Variants in MIER1 observed in about 807,000 individuals in gnomAD.
The protein encoded by MIER1 is MIER1 transcriptional regulator.
MIER1 carries 40 observed loss-of-function variants against 75.7 expected under a neutral mutation model. The observed-to-expected ratio is 0.53, with a 90% CI of 0.41 to 0.69. The LOEUF is 0.69. MIER1 is among the 30% of genes least tolerant of loss of function. MIER1 has a pLI of 0.00. For missense variants in MIER1, 574 were observed against 680.2 expected, an observed-to-expected ratio of 0.84 and a Z score of 1.74; for synonymous variants, 213 against 223.4, an observed-to-expected ratio of 0.95 and a Z score of 0.42.
At chr1:66,983,514 G>C (rs140910478) in intron 13 of MIER1, among the ~76,000 whole-genome samples, 2 of 152,196 alleles carry the variant, frequency 1.3e-5, no homozygotes, top group African/African-American at 4.8e-5. Flanking sequence ...CCATTTTACA[G>C]TCAACTCTAA....
chr1:66,943,994 T>A (rs992734833), intron 3 of MIER1, among the ~76,000 whole-genome samples: 2 of 152,160 alleles, frequency 1.3e-5, no homozygotes, highest in South Asian at 2.1e-4. Flanking sequence ...GTTTTTATTT[T>A]TTTTTTTTCC....
chr1:66,933,162 A>G (rs749230405), intron 2 of MIER1, among the ~76,000 whole-genome samples: 4 of 152,174 alleles, frequency 2.6e-5, no homozygotes, highest in African/African-American at 4.8e-5. Flanking sequence ...TCCTAGTCAC[A>G]CTTGAAGGAA....
intron 11 of MIER1, among the ~76,000 whole-genome samples, chr1:66,973,756 TTAAATG>T (rs1664154759): frequency 6.6e-6 from 1 of 152,126 alleles, no homozygotes. Context: ...GTCTTGGAGA[TTAAATG>T]TAGGAAATTA....
At chr1:66,926,756 A>G (rs981623393) in intron 2 of MIER1, among the ~76,000 whole-genome samples, 1 of 152,212 alleles carries the variant, frequency 6.6e-6, no homozygotes, top group Non-Finnish European at 1.5e-5. Context: ...AAAGAGACTC[A>G]TGGACGCTGA....
Position 66,984,969 on chromosome 1 carries a change from TACCTTAAAA to T in MIER1, c.*71_*79del. On this transcript the variant is annotated 3_prime_UTR_variant, in exon 14 of 14. Transcript: ENST00000401041. Reference sequence around the variant, plus strand: ...ACTAAAATTTTCAGGGTTGATGGGTTACCTTAAAAAGTTGATTTCCTTGAAGCAGTTTGA... The same window carrying T: ...ACTAAAATTTTCAGGGTTGATGGGTTAGTTGATTTCCTTGAAGCAGTTTGA... 6.7e-7 allele frequency: 1 copy of T among 1,484,332 alleles called. No individual in the cohort carries two copies. Among genetic ancestry groups the T allele is most frequent in the Non-Finnish European group, 8.9e-7 (1 of 1,119,896 alleles). 91.9% of individuals were successfully genotyped at this position (1,484,332 alleles called of 1,614,324 possible). A position where few individuals can be genotyped will look rare whatever the true frequency, so the allele number is the denominator to read the frequency against.
intron 3 of MIER1, 93 bp downstream of exon 3, chr1:66,940,145 CTTGCTTT>C: frequency 1.1e-6 from 1 of 880,330 alleles, no homozygotes; most frequent in Non-Finnish European, 1.8e-6. Context: ...TATTATCTGA[CTTGCTTT>C]TCTTCTGAAT....
chr1:66,982,188 C>T (rs1666028220), intron 13 of MIER1, among the ~76,000 whole-genome samples: 1 of 152,068 alleles, frequency 6.6e-6, no homozygotes, highest in African/African-American at 2.4e-5. Flanking sequence ...ATCTCTTTTC[C>T]TGTCTTGTCT....
At chr1:66,948,913 T>G (rs1183758901) in intron 4 of MIER1, among the ~76,000 whole-genome samples, 2 of 152,158 alleles carry the variant, frequency 1.3e-5, no homozygotes, top group Non-Finnish European at 2.9e-5. Flanking sequence ...TTACCCTGTT[T>G]TATTTTTCAG....
At chr1:66,959,628 T>A (rs2985794) in intron 6 of MIER1, 51 bp from the exon 7 acceptor site, 22 of 867,830 alleles carry the variant, frequency 2.5e-5, no homozygotes, top group Non-Finnish European at 3.7e-5. Flanking sequence ...ATATGTAGAT[T>A]TAGACAGGAT....
intron 12 of MIER1, among the ~76,000 whole-genome samples, chr1:66,981,433 TC>T (rs1317165456): frequency 2.6e-5 from 4 of 152,222 alleles, no homozygotes; most frequent in African/African-American, 9.6e-5. Flanking sequence ...GTACAGAAAT[TC>T]TTTTGTACTT....
intron 4 of MIER1, among the ~76,000 whole-genome samples, chr1:66,948,919 T>C (rs1483143101): frequency 6.6e-6 from 1 of 152,140 alleles, no homozygotes; most frequent in Admixed American, 6.5e-5. Flanking sequence ...TGTTTTATTT[T>C]TCAGAGACTG....
chr1:66,930,336 C>A, intron 2 of MIER1: 2 of 1,601,602 alleles, frequency 1.2e-6, no homozygotes, highest in Non-Finnish European at 1.7e-6. Context: ...CATCCGGGTT[C>A]TGGCCGTGAC....
intron 2 of MIER1, among the ~76,000 whole-genome samples, chr1:66,934,169 C>T (rs1191121347): frequency 1.3e-5 from 2 of 152,036 alleles, no homozygotes; most frequent in African/African-American, 4.8e-5. Context: ...TTAAACATAT[C>T]CCATGCATTT....
At chr1:66,951,252 C>A (rs1446311986) in intron 4 of MIER1, among the ~76,000 whole-genome samples, 1 of 152,170 alleles carries the variant, frequency 6.6e-6, no homozygotes, top group African/African-American at 2.4e-5. Flanking sequence ...GCCTCACCTC[C>A]CACGTAGCTG....
In MIER1 at chr1:66,946,238, G is replaced by A; in HGVS notation, c.282G>A (p.Glu94=). The part of the protein sequence containing the change: ...HDFDDERTLE[E]EEMMEGETNF... ...TTGATGATGAACGAACATTAGAAGA[G>A]GAAGAAATGATGGAAGGAGAAACAA... Residue 94 remains glutamate (E), a synonymous_variant, in exon 4 of 14, where the codon GAG becomes GAA. Transcript: ENST00000401041. The A allele has an allele frequency of 6.2e-7, 1 of 1,610,360 alleles. No homozygotes were observed. Among genetic ancestry groups the A allele is most frequent in the Non-Finnish European group, 8.5e-7 (1 of 1,179,170 alleles).
At position 66,925,503 on chromosome 1, in the gene MIER1, G is replaced by T. The variant is rs1261114992; in HGVS notation, c.67+408G>T. On this transcript the variant is annotated intron_variant, in intron 1 of 13. Transcript: ENST00000401041. Reference sequence around the variant, plus strand: ...TTTCCCTCACTTGTGTCCCATCCCCGGGAGGCTCTCGCTTGCACTGCAGCC... The same window carrying T: ...TTTCCCTCACTTGTGTCCCATCCCCTGGAGGCTCTCGCTTGCACTGCAGCC... The T allele has an allele frequency of 4.1e-6, 4 of 985,328 alleles. No homozygotes were observed. The African/African-American group carries it at 7.0e-5, about 17-fold the overall frequency. 61.0% of individuals were successfully genotyped at this position (985,328 alleles called of 1,614,324 possible). A position where few individuals can be genotyped will look rare whatever the true frequency, so the allele number is the denominator to read the frequency against.
rs751443058 is a variant in MIER1, at chr1:66,988,290, A to G, written c.*3390A>G. On this transcript the variant is annotated 3_prime_UTR_variant, in exon 14 of 14. Coordinates refer to ENST00000401041, the MANE Select transcript of MIER1 (RefSeq NM_001077700.3). ...CTCAAAATGACTTTTTCTGTATCACATAATTCTACTGATACAACTTTTTAC... is the reference window on the plus strand; with the variant it reads ...CTCAAAATGACTTTTTCTGTATCACGTAATTCTACTGATACAACTTTTTAC... 3.9e-5 allele frequency: 6 copies of G among 152,360 alleles called. No homozygotes were observed. Among genetic ancestry groups the G allele is most frequent in the Non-Finnish European group, 7.3e-5 (5 of 68,030 alleles). 9.4% of individuals were successfully genotyped at this position (152,360 alleles called of 1,614,324 possible).
In MIER1 at chr1:66,985,849, TA is replaced by T. The variant is rs2102156876; in HGVS notation, c.*951del. Reference sequence around the variant, plus strand: ...TTTTTTTTTTTTTTAAATTTCTACTTAAGGGCAAGTAATTTGAGAATTCTGA... The same window carrying T: ...TTTTTTTTTTTTTTAAATTTCTACTTAGGGCAAGTAATTTGAGAATTCTGA... On this transcript the variant is annotated 3_prime_UTR_variant, in exon 14 of 14. Coordinates refer to ENST00000401041, the MANE Select transcript of MIER1 (RefSeq NM_001077700.3). 2.5e-6 allele frequency: 2 copies of T among 810,886 alleles called. No individual in the cohort carries two copies. Among genetic ancestry groups the T allele is most frequent in the South Asian group, 1.1e-4 (2 of 17,890 alleles). The allele number at this position is 810,886 out of a possible 1,614,324, so 50.2% of individuals were successfully genotyped here.
intron 8 of MIER1, among the ~76,000 whole-genome samples, chr1:66,964,464 T>C (rs912795603): frequency 8.1e-5 from 7 of 86,850 alleles, no homozygotes; most frequent in Admixed American, 1.2e-4. Flanking sequence ...TTTTTTTTTT[T>C]TTTTTGAGAT....
Sources: allele counts gnomAD v4.1 joint callset (sites outside exome capture counted in the v4.1 genomes callset), GRCh38; gene constraint gnomAD v4.1.1; transcripts MANE v1.5; gene names NCBI Gene and HGNC (gene_info 2026-07-23, HGNC 2026-07-21).